The following RBFOX1 variants were observed in gnomAD, a reference collection of about 807,000 sequenced individuals.
RBFOX1 encodes RNA binding fox-1 homolog 1, also known as RNA binding protein fox-1 homolog 1.
In RBFOX1, 8 loss-of-function variants were observed where a neutral mutation model predicts 57.7. The observed-to-expected ratio is 0.14, with a 90% CI of 0.08 to 0.25. The LOEUF (loss-of-function observed/expected upper bound fraction) is 0.25, where lower values mean the gene tolerates loss of function less well. Among genes scored for constraint, RBFOX1 ranks in the 10% least tolerant of loss-of-function variants. The pLI, the probability that RBFOX1 is intolerant of heterozygous loss-of-function variation, is 1.00. For missense variants in RBFOX1, 611 were observed against 548.5 expected, an observed-to-expected ratio of 1.11 and a Z score of -1.14; for synonymous variants, 326 against 222.4, an observed-to-expected ratio of 1.47 and a Z score of -4.15.
At chr16:5,417,866 A>T in intron 1 of RBFOX1, among the ~76,000 whole-genome samples, 1 of 152,112 alleles carries the variant, frequency 6.6e-6, no homozygotes, top group East Asian at 1.9e-4. Flanking sequence ...GGATCACTTG[A>T]GGTCAGGAGT....
At chr16:5,277,696 C>T (rs2063176086) in intron 1 of RBFOX1, among the ~76,000 whole-genome samples, 1 of 152,114 alleles carries the variant, frequency 6.6e-6, no homozygotes, top group South Asian at 2.1e-4. Flanking sequence ...GATACATGGC[C>T]CCCACTTTGA....
intron 3 of RBFOX1, among the ~76,000 whole-genome samples, chr16:5,706,736 T>C (rs2051262797): frequency 2.0e-5 from 3 of 152,040 alleles, no homozygotes; most frequent in African/African-American, 4.8e-5. Flanking sequence ...TTTCCTACGA[T>C]GGTTGATGGT....
chr16:7,065,741 A>G (rs901217415), intron 4 of RBFOX1, among the ~76,000 whole-genome samples: 4 of 152,112 alleles, frequency 2.6e-5, no homozygotes, highest in African/African-American at 9.7e-5. Flanking sequence ...TGCACAGTAG[A>G]TCTGATGAAC....
chr16:6,905,095 G>T (rs139568787), intron 3 of RBFOX1, among the ~76,000 whole-genome samples: 1 of 152,118 alleles, frequency 6.6e-6, no homozygotes, highest in African/African-American at 2.4e-5. Context: ...CTGGGAGTCA[G>T]TGTTGTTAAA....
At chr16:7,214,642 A>G (rs2091729800) in intron 4 of RBFOX1, among the ~76,000 whole-genome samples, 1 of 152,052 alleles carries the variant, frequency 6.6e-6, no homozygotes, top group Non-Finnish European at 1.5e-5. Context: ...TGAGCTACTT[A>G]AAACTCTTCT....
chr16:6,106,265 C>G (rs1353712908), intron 1 of RBFOX1, among the ~76,000 whole-genome samples: 1 of 150,684 alleles, frequency 6.6e-6, no homozygotes, highest in Non-Finnish European at 1.5e-5. Flanking sequence ...CCAGACTACC[C>G]TGGCCAACAT....
intron 2 of RBFOX1, among the ~76,000 whole-genome samples, chr16:5,597,550 C>T (rs1047119710): frequency 2.0e-5 from 3 of 151,936 alleles, no homozygotes; most frequent in African/African-American, 7.3e-5. Context: ...CAGGTGCCCG[C>T]CACCACAGCC....
At chr16:7,084,468 A>C (rs1417540145) in intron 4 of RBFOX1, among the ~76,000 whole-genome samples, 1 of 152,186 alleles carries the variant, frequency 6.6e-6, no homozygotes, top group Admixed American at 6.5e-5. Flanking sequence ...TTACTTAGAG[A>C]GATCCATTCT....
chr16:6,695,274 C>T (rs1568250466), intron 3 of RBFOX1, among the ~76,000 whole-genome samples: 1 of 151,796 alleles, frequency 6.6e-6, no homozygotes, highest in African/African-American at 2.4e-5. Context: ...AAAAAATTAG[C>T]TGGGCGTGGT....
At chr16:5,626,019 G>A (rs183830141) in intron 3 of RBFOX1, among the ~76,000 whole-genome samples, 70 of 152,286 alleles carry the variant, frequency 4.6e-4, no homozygotes, top group African/African-American at 1.7e-3. Flanking sequence ...TGGGATTACA[G>A]GCATGTGCCA....
intron 2 of RBFOX1, among the ~76,000 whole-genome samples, chr16:5,561,875 C>A (rs1467561200): frequency 6.6e-6 from 1 of 152,284 alleles, no homozygotes; most frequent in Admixed American, 6.5e-5. Context: ...TAATGAGAAG[C>A]TTTATTGCAA....
intron 3 of RBFOX1, among the ~76,000 whole-genome samples, chr16:5,681,389 CTTT>C (rs1003773008): frequency 4.0e-5 from 5 of 126,512 alleles, no homozygotes; most frequent in Non-Finnish European, 3.4e-5. Flanking sequence ...CAGCTTTTTT[CTTT>C]TTTTTTTTTT....
At chr16:6,802,029 C>G (rs2085587306) in intron 3 of RBFOX1, among the ~76,000 whole-genome samples, 2 of 151,974 alleles carry the variant, frequency 1.3e-5, no homozygotes, top group African/African-American at 2.4e-5. Context: ...TTAGACCCCG[C>G]AATAAACTTG....
intron 1 of RBFOX1, among the ~76,000 whole-genome samples, chr16:5,380,362 G>A (rs903932384): frequency 1.2e-4 from 19 of 152,210 alleles, no homozygotes; most frequent in Non-Finnish European, 2.2e-4. Flanking sequence ...TAGAACAAGA[G>A]ATACATCTGT....
At chr16:6,505,823 C>G (rs577973784) in intron 2 of RBFOX1, among the ~76,000 whole-genome samples, 1 of 152,288 alleles carries the variant, frequency 6.6e-6, no homozygotes, top group Admixed American at 6.5e-5. Context: ...TCATTCATTT[C>G]AAATGTATCC....
intron 1 of RBFOX1, among the ~76,000 whole-genome samples, chr16:5,274,870 A>G (rs1216677580): frequency 6.6e-6 from 1 of 152,206 alleles, no homozygotes; most frequent in Non-Finnish European, 1.5e-5. Context: ...AGGGTCTAGT[A>G]GGGGATCCAG....
intron 3 of RBFOX1, among the ~76,000 whole-genome samples, chr16:6,811,211 C>T (rs1019385000): frequency 6.6e-6 from 1 of 151,976 alleles, no homozygotes; most frequent in Non-Finnish European, 1.5e-5. Context: ...CCTGCCTTTG[C>T]AGGAAATAAT....
intron 14 of RBFOX1, among the ~76,000 whole-genome samples, chr16:7,679,372 A>G (rs2074173149): frequency 2.0e-5 from 3 of 152,232 alleles, no homozygotes; most frequent in Non-Finnish European, 1.5e-5. Context: ...TAAGTGATGG[A>G]AGCTTAGTTC....
chr16:5,861,571 T>C (rs1836712879), intron 3 of RBFOX1, among the ~76,000 whole-genome samples: 2 of 152,246 alleles, frequency 1.3e-5, no homozygotes, highest in African/African-American at 2.4e-5. Context: ...TGTTGGGCTG[T>C]TATGCATTTG....
Sources: allele counts gnomAD v4.1 joint callset (sites outside exome capture counted in the v4.1 genomes callset), GRCh38; gene constraint gnomAD v4.1.1; transcripts MANE v1.5; gene names NCBI Gene and HGNC (gene_info 2026-07-23, HGNC 2026-07-21).